The following WARS1 variants were observed in gnomAD, a reference collection of about 807,000 sequenced individuals.
WARS1 encodes tryptophanyl-tRNA synthetase 1.
Under a neutral mutation model 47.8 loss-of-function variants are expected in WARS1, and 17 were observed. The observed-to-expected ratio is 0.36, with a 90% confidence interval of 0.24 to 0.53. The LOEUF is 0.53. Ranked by LOEUF, WARS1 falls within the 20% of genes least tolerant of loss-of-function variation. WARS1 has a pLI of 0.91. For missense variants in WARS1, 434 were observed against 608.0 expected (o/e 0.71, Z 3.01); for synonymous variants, 208 against 228.1 (o/e 0.91, Z 0.79).
At chr14:100,348,359 G>A (rs1894758961) in intron 6 of WARS1, among the ~76,000 whole-genome samples, 1 of 128,664 alleles carries the variant, frequency 7.8e-6, no homozygotes, top group South Asian at 3.0e-4. Flanking sequence ...TCAGTGCCAA[G>A]GCCTGTCCAG....
chr14:100,372,980 T>C (rs925724896), intron 1 of WARS1, among the ~76,000 whole-genome samples: 3 of 152,204 alleles, frequency 2.0e-5, no homozygotes, highest in African/African-American at 7.2e-5. Flanking sequence ...CTGACACCTA[T>C]GCTTCTGGGA....
chr14:100,366,261 G>A (rs915776085), intron 2 of WARS1, among the ~76,000 whole-genome samples: 2 of 152,126 alleles, frequency 1.3e-5, no homozygotes, highest in East Asian at 3.8e-4. Flanking sequence ...ACAGTGGACT[G>A]GGGGAGCTTT....
chr14:100,359,308 A>G (rs1161472543), intron 4 of WARS1, among the ~76,000 whole-genome samples: 3 of 152,240 alleles, frequency 2.0e-5, no homozygotes, highest in Non-Finnish European at 4.4e-5. Context: ...TGTGAGGTAT[A>G]TCCATTCAAT....
At chr14:100,344,617 CCAT>C (rs1894411869) in intron 7 of WARS1, among the ~76,000 whole-genome samples, 1 of 150,266 alleles carries the variant, frequency 6.7e-6, no homozygotes, top group African/African-American at 2.4e-5. Context: ...TGCCCGGCCG[CCAT>C]CCCATCTAGG....
chr14:100,344,807 C>T (rs1329621789), intron 7 of WARS1, among the ~76,000 whole-genome samples: 1 of 151,442 alleles, frequency 6.6e-6, no homozygotes, highest in Non-Finnish European at 1.5e-5. Flanking sequence ...CGTCTCTGCC[C>T]GGCCGCCCTG....
chr14:100,368,492 A>G, intron 2 of WARS1: 1 of 456,054 alleles, frequency 2.2e-6, no homozygotes, highest in Non-Finnish European at 4.4e-6. Flanking sequence ...GAACAATATG[A>G]TAAGCAGAAT....
At chr14:100,352,494 C>G (rs1895061444) in intron 6 of WARS1, among the ~76,000 whole-genome samples, 1 of 152,216 alleles carries the variant, frequency 6.6e-6, no homozygotes, top group African/African-American at 2.4e-5. Context: ...CCTGTGCTCA[C>G]TGCTCACCTG....
chr14:100,354,264 C>G, intron 5 of WARS1, 183 bp downstream of exon 5: 1 of 808,382 alleles, frequency 1.2e-6, no homozygotes. Flanking sequence ...CTCCCCATCA[C>G]TCCATGGTCC....
In WARS1 at chr14:100,342,589, A is replaced by T; in HGVS notation, c.940-18T>A. ...TAAGGATCCTGTGGGGAGAGTAAGG[A>T]CCCTGATGAGGGCGGCCAGAAAACA... On this transcript the variant is annotated intron_variant, in intron 8 of 10. Transcript: ENST00000392882. 6.3e-7 allele frequency: 1 copy of T among 1,595,850 alleles called. No individual in the cohort carries two copies. Among genetic ancestry groups the T allele is most frequent in the Non-Finnish European group, 8.6e-7 (1 of 1,168,900 alleles).
At position 100,373,135 on chromosome 14, in the gene WARS1, G is replaced by A. The variant is rs1174618274; in HGVS notation, c.-74+2148C>T. ...GGGTTTATTCTTCCATGTACCTCTAGTACCTGGCACACAGCTTATCAAAAA... is the reference window on the plus strand; with the variant it reads ...GGGTTTATTCTTCCATGTACCTCTAATACCTGGCACACAGCTTATCAAAAA... On this transcript the variant is annotated intron_variant, in intron 1 of 10. Coordinates refer to ENST00000392882, the MANE Select transcript of WARS1 (RefSeq NM_004184.4). The surrounding 1 kb of genome is among the most constrained non-coding windows in gnomAD (Gnocchi z 4.4). Among the ~76,000 whole-genome samples the A allele has an allele frequency of 2.0e-5, 3 of 152,140 alleles. No homozygotes were observed. The highest frequency in any genetic ancestry group is 4.4e-5 in the Non-Finnish European group (3 of 68,028).
chr14:100,367,059 ATCTCAGAG>A, intron 2 of WARS1: 2 of 696,602 alleles, frequency 2.9e-6, no homozygotes, highest in Non-Finnish European at 4.6e-6. Context: ...AAAAAAAAAA[ATCTCAGAG>A]AGAAAAGGGT....
chr14:100,345,471 G>A (rs946536511), intron 7 of WARS1, among the ~76,000 whole-genome samples: 15 of 151,896 alleles, frequency 9.9e-5, no homozygotes, highest in Non-Finnish European at 1.9e-4. Context: ...CAGCATGCTC[G>A]TTAAGAGTCA....
intron 7 of WARS1, among the ~76,000 whole-genome samples, chr14:100,344,218 A>G (rs8020087): frequency 1 from 151,807 of 152,142 alleles, 75,737 homozygotes; most frequent in Middle Eastern, 1. Flanking sequence ...GAGTGCCTGC[A>G]ATTGCAGGCG....
chr14:100,361,709 A>G lies in WARS1; in HGVS notation c.312T>C (p.Ile104=), dbSNP rs747714098. The G allele has an allele frequency of 6.2e-7, 1 of 1,614,088 alleles. No individual in the cohort carries two copies. Among genetic ancestry groups the G allele is most frequent in the Admixed American group, 1.7e-5 (1 of 60,018 alleles). The change falls in exon 3 of 11, where the codon ATT becomes ATC. Residue 104 remains isoleucine, a splice_region_variant and synonymous_variant. Transcript: ENST00000392882. ...CTGGGAAGAAAGCAGAGGACGTACC[A>G]ATGAGCTTATCGTAGTCTATGCCTT... is the stretch of plus-strand genomic sequence containing the variant. ...SAKGIDYDKL[I]VRFGSSKIDK...
At chr14:100,355,914 A>AG (rs1477234322) in intron 4 of WARS1, among the ~76,000 whole-genome samples, 1 of 152,194 alleles carries the variant, frequency 6.6e-6, no homozygotes, top group Non-Finnish European at 1.5e-5. Flanking sequence ...CTTACAGAAG[A>AG]GAAAAAAATG....
chr14:100,357,057 C>A (rs1895365850), intron 4 of WARS1, among the ~76,000 whole-genome samples: 1 of 152,136 alleles, frequency 6.6e-6, no homozygotes. Flanking sequence ...AGGCCAAAAC[C>A]CACATGATCA....
At chr14:100,374,046 A>C (rs1896495754) in intron 1 of WARS1, 1 of 152,144 alleles carries the variant, frequency 6.6e-6, no homozygotes, top group Non-Finnish European at 1.5e-5. Flanking sequence ...AGGTTTTTCA[A>C]CTTGGAGTTC....
At chr14:100,348,612 C>A (rs1894777595) in intron 6 of WARS1, among the ~76,000 whole-genome samples, 1 of 152,194 alleles carries the variant, frequency 6.6e-6, no homozygotes, top group Non-Finnish European at 1.5e-5. Flanking sequence ...GCCAAGAACA[C>A]CGCAGGCAGG....
At position 100,339,585 on chromosome 14, in the gene WARS1, C is replaced by T. The variant is rs575714599; in HGVS notation, c.1114-2383G>A. Among the ~76,000 whole-genome samples, 277 of 74,914 alleles carry T rather than the reference C, an allele frequency of 3.7e-3. 2 individuals are homozygous for T. The highest frequency in any genetic ancestry group is 0.028 in the Middle Eastern group (2 of 72). 49.1% of individuals were successfully genotyped at this position (74,914 alleles called of 152,430 possible). A position where few individuals can be genotyped will look rare whatever the true frequency, so the allele number is the denominator to read the frequency against. On this transcript the variant is annotated intron_variant, in intron 9 of 10. Coordinates refer to ENST00000392882, the MANE Select transcript of WARS1 (RefSeq NM_004184.4). The stretch of plus-strand genomic sequence containing the variant: ...CAGCCTGGGCGACAGAGTGAGACTC[C>T]GTCTCAAAAAAAAAAAAAAAAAAAG...
Sources: gnomAD v4.1 joint callset for allele counts (sites outside exome capture counted in the v4.1 genomes callset) on GRCh38, gnomAD v4.1.1 for gene constraint, Gnocchi (gnomAD v3.1) non-coding constraint, MANE v1.5 for transcripts, NCBI Gene and HGNC (gene_info 2026-07-23, HGNC 2026-07-21) for gene names.